Variants in CDH18 observed in about 807,000 individuals in gnomAD.
CDH18 encodes cadherin 18.
A neutral mutation model predicts 67.9 loss-of-function variants in CDH18; 31 were observed. The observed-to-expected ratio is 0.46, with a 90% CI of 0.34 to 0.62. The LOEUF (loss-of-function observed/expected upper bound fraction) is 0.62, where lower values mean the gene tolerates loss of function less well. CDH18 is among the 20% of genes least tolerant of loss of function. The pLI, the probability that CDH18 is intolerant of heterozygous loss-of-function variation, is 0.01. For missense variants in CDH18, 890 were observed against 975.5 expected, an observed-to-expected ratio of 0.91 and a Z score of 1.17; for synonymous variants, 362 against 347.2, an observed-to-expected ratio of 1.04 and a Z score of -0.48.
At chr5:19,742,209 A>G (rs1769305669) in intron 4 of CDH18, among the ~76,000 whole-genome samples, 1 of 152,176 alleles carries the variant, frequency 6.6e-6, no homozygotes, top group African/African-American at 2.4e-5. Flanking sequence ...AGCGCAGTGC[A>G]ATTACTTGGA....
chr5:19,730,677 A>G (rs1239808068), intron 4 of CDH18, among the ~76,000 whole-genome samples: 3 of 152,072 alleles, frequency 2.0e-5, no homozygotes, highest in African/African-American at 7.2e-5. Context: ...TATGTGGACA[A>G]TCTGTGGTTG....
At chr5:20,426,226 G>A (rs889659146) in intron 1 of CDH18, among the ~76,000 whole-genome samples, 3 of 151,072 alleles carry the variant, frequency 2.0e-5, no homozygotes, top group East Asian at 1.9e-4. Flanking sequence ...TATTCTTAAT[G>A]GAAATTACAT....
chr5:19,741,250 T>C (rs1158494632), intron 4 of CDH18, among the ~76,000 whole-genome samples: 2 of 81,116 alleles, frequency 2.5e-5, no homozygotes, highest in East Asian at 4.0e-4. Context: ...TATATGTATG[T>C]ATATATGTAT....
In CDH18 at chr5:20,055,990, CTTTTTTTTTTTTTT is replaced by C. The variant is rs34736791; in HGVS notation, c.-517-63990_-517-63977del. ...CTAACTTTAGGGTCCTTTTGGTTTC[CTTTTTTTTTTTTTT>C]TTTTTTTTTTTTTTTGTGAGATTTG... On this transcript the variant is annotated intron_variant, in intron 2 of 14. Coordinates refer to the CDH18 transcript ENST00000507958. Among the ~76,000 whole-genome samples, 4 of 73,804 alleles carry C rather than the reference CTTTTTTTTTTTTTT, an allele frequency of 5.4e-5. No homozygotes were observed. In the East Asian group the frequency reaches 1.2e-3, roughly 22 times the overall value. 48.4% of individuals were successfully genotyped at this position (73,804 alleles called of 152,430 possible).
intron 1 of CDH18, among the ~76,000 whole-genome samples, chr5:20,455,961 G>C (rs1277429492): frequency 1.3e-5 from 2 of 152,054 alleles, no homozygotes; most frequent in Non-Finnish European, 2.9e-5. Context: ...TCATGCAGCT[G>C]ATAACCTTTG....
At chr5:19,685,058 G>A (rs373026884) in intron 5 of CDH18, among the ~76,000 whole-genome samples, 1 of 152,122 alleles carries the variant, frequency 6.6e-6, no homozygotes, top group Admixed American at 6.6e-5. Flanking sequence ...GATTCGTTAA[G>A]ATCATGTGCT....
upstream of CDH18, among the ~76,000 whole-genome samples, chr5:19,993,046 C>T (rs913237648): frequency 2.6e-5 from 4 of 152,098 alleles, no homozygotes; most frequent in African/African-American, 9.7e-5. Flanking sequence ...TTTATCAATA[C>T]CATTAACACC....
intron 5 of CDH18, among the ~76,000 whole-genome samples, chr5:19,720,003 G>T (rs2150572845): frequency 6.6e-6 from 1 of 152,172 alleles, no homozygotes; most frequent in East Asian, 1.9e-4. Flanking sequence ...TCATGCCAGT[G>T]TATTTCCATG....
At position 20,508,326 on chromosome 5, in the gene CDH18, TATATATATATATA is replaced by T. The variant is rs1332531112; in HGVS notation, c.-580+67123_-580+67135del. On this transcript the variant is annotated intron_variant, in intron 1 of 14. Transcript: ENST00000507958. ...TTACATAGTTTTATGACTATGATTA[TATATATATATATA>T]TATATATATATATATATATATATAT... 2.1e-3 allele frequency among the ~76,000 whole-genome samples: 27 copies of T among 13,002 alleles called. No homozygotes were observed. In the African/African-American group the frequency reaches 0.022, roughly 11 times the overall value. The allele number at this position is 13,002 out of a possible 152,430, so 8.5% of individuals were successfully genotyped here.
intron 6 of CDH18, among the ~76,000 whole-genome samples, chr5:19,605,002 G>T (rs1356976417): frequency 6.6e-6 from 1 of 151,820 alleles, no homozygotes; most frequent in African/African-American, 2.4e-5. Context: ...TGTGCAAATT[G>T]ATTTGTAATG....
chr5:20,068,027 C>A lies in CDH18; in HGVS notation c.-517-76013G>T, dbSNP rs112544297. On this transcript the variant is annotated intron_variant, in intron 2 of 14. Coordinates refer to the CDH18 transcript ENST00000507958. ...CCTTTCCTTTTGTTTATCTCGTTTACCTTTTATTACAATTTATAAACCCCT... is the reference window on the plus strand; with the variant it reads ...CCTTTCCTTTTGTTTATCTCGTTTAACTTTTATTACAATTTATAAACCCCT... Among the ~76,000 whole-genome samples, 1,396 of 152,076 alleles carry A rather than the reference C, an allele frequency of 9.2e-3. 26 individuals carry two copies. The highest frequency in any genetic ancestry group is 0.032 in the African/African-American group (1,319 of 41,510).
chr5:19,910,998 G>T (rs928285285), intron 2 of CDH18, among the ~76,000 whole-genome samples: 18 of 152,090 alleles, frequency 1.2e-4, no homozygotes, highest in African/African-American at 4.3e-4. Context: ...TAAGCAGACT[G>T]GAGGTAGGGG....
At chr5:19,508,061 A>AG in intron 10 of CDH18, among the ~76,000 whole-genome samples, 1 of 151,914 alleles carries the variant, frequency 6.6e-6, no homozygotes, top group Non-Finnish European at 1.5e-5. Flanking sequence ...TTTCTGAAAA[A>AG]AAAAAAAGCT....
chr5:19,826,153 T>A (rs1780384234), intron 3 of CDH18, among the ~76,000 whole-genome samples: 1 of 151,948 alleles, frequency 6.6e-6, no homozygotes, highest in East Asian at 1.9e-4. Context: ...ACTGGTTCTC[T>A]GAAGTAACAG....
chr5:20,133,776 T>G (rs1749468214), intron 2 of CDH18, among the ~76,000 whole-genome samples: 1 of 152,116 alleles, frequency 6.6e-6, no homozygotes, highest in South Asian at 2.1e-4. Flanking sequence ...ATAAAATGAT[T>G]TGTGTTGTTT....
At chr5:20,141,579 A>T (rs538880902) in intron 2 of CDH18, among the ~76,000 whole-genome samples, 1 of 152,150 alleles carries the variant, frequency 6.6e-6, no homozygotes, top group Non-Finnish European at 1.5e-5. Flanking sequence ...TTTGTAATGG[A>T]CAATATATTT....
At chr5:19,822,142 G>A (rs192581950) in intron 3 of CDH18, among the ~76,000 whole-genome samples, 1 of 152,250 alleles carries the variant, frequency 6.6e-6, no homozygotes, top group Non-Finnish European at 1.5e-5. Flanking sequence ...GAATGTAGGT[G>A]CTCTAAACAC....
intron 2 of CDH18, among the ~76,000 whole-genome samples, chr5:19,905,193 C>T (rs776149121): frequency 1.3e-5 from 2 of 152,098 alleles, no homozygotes; most frequent in Non-Finnish European, 2.9e-5. Context: ...AAAGAAGCAG[C>T]TGGATAAATA....
intron 1 of CDH18, among the ~76,000 whole-genome samples, chr5:20,528,959 T>G (rs1345184297): frequency 1.6e-5 from 2 of 123,392 alleles, no homozygotes; most frequent in African/African-American, 5.1e-5. Flanking sequence ...CAGGAGCTGG[T>G]TTTGTGAAAA....
Sources: allele counts gnomAD v4.1 joint callset (sites outside exome capture counted in the v4.1 genomes callset), GRCh38; gene constraint gnomAD v4.1.1; transcripts MANE v1.5; gene names NCBI Gene and HGNC (gene_info 2026-07-23, HGNC 2026-07-21).